Variants in SUMF1 observed in about 807,000 individuals in gnomAD.
SUMF1 encodes formylglycine-generating enzyme.
In SUMF1, 48 loss-of-function variants were observed where a neutral mutation model predicts 47.6. That is an observed-to-expected ratio of 1.01 (90% CI 0.80 to 1.28). The LOEUF (loss-of-function observed/expected upper bound fraction) is 1.28. Ranked by LOEUF, SUMF1 falls within the 50% of genes most tolerant of loss-of-function variation. SUMF1 has a pLI of 0.00. For missense variants in SUMF1, 571 were observed against 485.4 expected (o/e 1.18, Z -1.66); for synonymous variants, 230 against 192.1 (o/e 1.20, Z -1.63).
At chr3:4,295,372 G>C (rs1697829410) in intron 8 of SUMF1, among the ~76,000 whole-genome samples, 1 of 151,576 alleles carries the variant, frequency 6.6e-6, no homozygotes, top group Non-Finnish European at 1.5e-5. Flanking sequence ...GTTTTTGGTA[G>C]ATTGCTCTAA....
At chr3:4,282,770 G>A (rs1390140400) in intron 8 of SUMF1, among the ~76,000 whole-genome samples, 1 of 152,118 alleles carries the variant, frequency 6.6e-6, no homozygotes, top group African/African-American at 2.4e-5. Flanking sequence ...TTTGTCCTGC[G>A]TCAATCACAT....
intron 8 of SUMF1, among the ~76,000 whole-genome samples, chr3:4,105,700 T>C (rs1693142335): frequency 6.6e-6 from 1 of 152,090 alleles, no homozygotes; most frequent in Admixed American, 6.5e-5. Context: ...AAAATTTTTT[T>C]GTTAAAAAGA....
chr3:4,434,880 C>A (rs1702346557), intron 3 of SUMF1, among the ~76,000 whole-genome samples: 1 of 152,122 alleles, frequency 6.6e-6, no homozygotes, highest in Non-Finnish European at 1.5e-5. Flanking sequence ...AGAATATGAA[C>A]AGATGCCAAC....
At chr3:4,320,793 C>T (rs1163788830) in intron 8 of SUMF1, among the ~76,000 whole-genome samples, 1 of 152,116 alleles carries the variant, frequency 6.6e-6, no homozygotes, top group Non-Finnish European at 1.5e-5. Context: ...CAAATGTATT[C>T]CTTTTGGAAG....
chr3:4,131,689 T>C (rs185237737), intron 8 of SUMF1, among the ~76,000 whole-genome samples: 24 of 152,186 alleles, frequency 1.6e-4, no homozygotes, highest in East Asian at 3.9e-4. Flanking sequence ...ACAAAGAAAT[T>C]TGGGGAAGAG....
chr3:4,073,784 G>A (rs1276003558), intron 8 of SUMF1, among the ~76,000 whole-genome samples: 1 of 152,076 alleles, frequency 6.6e-6, no homozygotes, highest in Admixed American at 6.6e-5. Flanking sequence ...AACAAGAAGA[G>A]CTAACTATCC....
chr3:4,322,786 A>T (rs557078328), intron 8 of SUMF1, among the ~76,000 whole-genome samples: 1 of 152,210 alleles, frequency 6.6e-6, no homozygotes, highest in Non-Finnish European at 1.5e-5. Flanking sequence ...GCAGTTTGGC[A>T]GTTTCTCAAA....
chr3:4,429,902 C>T (rs1342503109), intron 3 of SUMF1, among the ~76,000 whole-genome samples: 1 of 152,184 alleles, frequency 6.6e-6, no homozygotes, highest in Non-Finnish European at 1.5e-5. Context: ...GTGGTGACTG[C>T]TGATTCTCCT....
chr3:4,455,519 C>T (rs1703129874), intron 1 of SUMF1, among the ~76,000 whole-genome samples: 1 of 152,176 alleles, frequency 6.6e-6, no homozygotes, highest in African/African-American at 2.4e-5. Flanking sequence ...AATTTCAGGC[C>T]AGCCTGGCCA....
intron 1 of SUMF1, among the ~76,000 whole-genome samples, chr3:4,462,770 G>T (rs1425005161): frequency 6.6e-6 from 1 of 152,166 alleles, no homozygotes; most frequent in Admixed American, 6.5e-5. Flanking sequence ...CTCTGGATCT[G>T]TCCACAAACT....
chr3:4,280,735 C>A (rs902493950), intron 8 of SUMF1, among the ~76,000 whole-genome samples: 1 of 151,942 alleles, frequency 6.6e-6, no homozygotes, highest in African/African-American at 2.4e-5. Context: ...AGAGAAGAGC[C>A]TGTTCCAGGC....
intron 8 of SUMF1, among the ~76,000 whole-genome samples, chr3:4,213,088 G>T (rs1259854871): frequency 1.3e-5 from 2 of 152,060 alleles, no homozygotes; most frequent in Non-Finnish European, 2.9e-5. Context: ...CTCAAGAAGA[G>T]CAACCCCAAG....
At chr3:4,299,491 T>C (rs1408254069) in intron 8 of SUMF1, among the ~76,000 whole-genome samples, 1 of 152,262 alleles carries the variant, frequency 6.6e-6, no homozygotes, top group East Asian at 1.9e-4. Context: ...TGGGTATTAA[T>C]GAATTTATAC....
chr3:4,353,668 A>C (rs187124558), intron 8 of SUMF1, among the ~76,000 whole-genome samples: 5 of 152,228 alleles, frequency 3.3e-5, no homozygotes, highest in Admixed American at 3.3e-4. Context: ...AACAAACAAC[A>C]TCTTAATATT....
At chr3:4,343,992 C>T (rs185394233) in intron 8 of SUMF1, among the ~76,000 whole-genome samples, 1 of 152,154 alleles carries the variant, frequency 6.6e-6, no homozygotes, top group Non-Finnish European at 1.5e-5. Flanking sequence ...ACAAGATATA[C>T]AAAATAAATT....
intron 8 of SUMF1, among the ~76,000 whole-genome samples, chr3:4,263,054 T>A (rs1283407607): frequency 6.6e-6 from 1 of 152,152 alleles, no homozygotes; most frequent in Non-Finnish European, 1.5e-5. Context: ...CTTTATTTTT[T>A]AAATGGGGGT....
intron 8 of SUMF1, among the ~76,000 whole-genome samples, chr3:4,321,040 A>T (rs574527728): frequency 6.6e-6 from 1 of 152,256 alleles, no homozygotes; most frequent in Admixed American, 6.5e-5. Context: ...CCTTACATGT[A>T]TACTGGAATT....
chr3:4,451,281 C>T lies in SUMF1; in HGVS notation c.444+1595G>A, dbSNP rs543084164. Among the ~76,000 whole-genome samples the T allele has an allele frequency of 2.0e-4, 31 of 151,806 alleles. 1 individual carries two copies. Among genetic ancestry groups the T allele is most frequent in the African/African-American group, 7.5e-4 (31 of 41,404 alleles). ...CAATATTTCAAGATCTCTGCAACAACAAAAATATGATTAAAAATGTCTGTG... is the reference window on the plus strand; with the variant it reads ...CAATATTTCAAGATCTCTGCAACAATAAAAATATGATTAAAAATGTCTGTG... On this transcript the variant is annotated intron_variant, in intron 2 of 8. Transcript: ENST00000272902.
chr3:4,104,342 T>C (rs76541303), intron 8 of SUMF1, among the ~76,000 whole-genome samples: 1 of 152,066 alleles, frequency 6.6e-6, no homozygotes, highest in Admixed American at 6.5e-5. Flanking sequence ...TGTGAGTCCA[T>C]TAGACCTCTT....
Sources: gnomAD v4.1 joint callset for allele counts (sites outside exome capture counted in the v4.1 genomes callset) on GRCh38, gnomAD v4.1.1 for gene constraint, MANE v1.5 for transcripts, NCBI Gene and HGNC (gene_info 2026-07-23, HGNC 2026-07-21) for gene names.